CCDC38: variants seen among roughly 807,000 people sequenced by gnomAD.
The protein encoded by CCDC38 is coiled-coil domain-containing protein 38.
In CCDC38, 69 loss-of-function variants were observed where a neutral mutation model predicts 72.8. The observed-to-expected ratio is 0.95, with a 90% confidence interval of 0.78 to 1.16. The LOEUF (loss-of-function observed/expected upper bound fraction) is 1.16, where lower values mean the gene tolerates loss of function less well. Ranked by LOEUF, CCDC38 falls within the 50% of genes most tolerant of loss-of-function variation. The pLI, the probability that CCDC38 is intolerant of heterozygous loss-of-function variation, is 0.00. For synonymous variants in CCDC38, 201 were observed against 213.2 expected, an observed-to-expected ratio of 0.94 and a Z score of 0.50; for missense variants, 626 against 638.9, an observed-to-expected ratio of 0.98 and a Z score of 0.22.
chr12:95,935,215 G>A (rs1322471195), intron 2 of CCDC38: 2 of 152,080 alleles, frequency 1.3e-5, no homozygotes. Flanking sequence ...AAAAAAAATG[G>A]TAGTGGAGCA....
chr12:95,872,546 T>C (rs1202432974), intron 13 of CCDC38, 86 bp from the exon 14 acceptor site: 2 of 818,688 alleles, frequency 2.4e-6, no homozygotes, highest in African/African-American at 3.5e-5. Context: ...TAAAATCCCA[T>C]GTATATGCTA....
intron 10 of CCDC38, among the ~76,000 whole-genome samples, chr12:95,886,399 A>T (rs2079759564): frequency 6.6e-6 from 1 of 152,208 alleles, no homozygotes. Context: ...TTTGAGTCTA[A>T]GGCTAGGGAA....
chr12:95,869,286 CTAAT>C (rs1236612039), intron 15 of CCDC38, among the ~76,000 whole-genome samples, 190 bp downstream of exon 15: 2 of 152,114 alleles, frequency 1.3e-5, no homozygotes, highest in Non-Finnish European at 2.9e-5. Flanking sequence ...AAATGTGTGT[CTAAT>C]TGAGAACTGG....
intron 13 of CCDC38, 62 bp downstream of exon 13, chr12:95,878,149 C>T: frequency 1.3e-6 from 2 of 1,573,094 alleles, no homozygotes. Flanking sequence ...ACTTAGGACA[C>T]AGGGAATAAA....
At chr12:95,898,910 A>T (rs1229707477) in intron 5 of CCDC38, among the ~76,000 whole-genome samples, 179 bp from the exon 6 acceptor site, 2 of 152,208 alleles carry the variant, frequency 1.3e-5, no homozygotes, top group East Asian at 3.8e-4. Flanking sequence ...GGGGAGACTA[A>T]TTTCCCTCCC....
Position 95,879,759 on chromosome 12 carries a change from G to A in CCDC38, c.1027C>T (p.Leu343Phe). 6.2e-7 allele frequency: 1 copy of A among 1,611,948 alleles called. No homozygotes were observed. The highest frequency in any genetic ancestry group is 8.5e-7 in the Non-Finnish European group (1 of 1,178,546). Reference sequence around the variant, plus strand: ...TCTTCCAGCTCTCTGAGGACTTGAAGTAACTCCTCTGGTTCCTTGAAATAA... The same window carrying A: ...TCTTCCAGCTCTCTGAGGACTTGAAATAACTCCTCTGGTTCCTTGAAATAA... Reference protein sequence around the residue: ...ALYFKEPEELLQVLRELEEQN... With the variant: ...ALYFKEPEELFQVLRELEEQN... The change falls in exon 12 of 16, where the codon CTT becomes TTT. Residue 343 changes from leucine (L) to phenylalanine (F), a missense_variant. By Grantham distance (22) the Leu-to-Phe change is conservative. Transcript: ENST00000344280. The surrounding 1 kb of genome is among the most constrained non-coding windows in gnomAD (Gnocchi z 5.5).
chr12:95,890,263 A>G (rs917617663), intron 9 of CCDC38, among the ~76,000 whole-genome samples: 5 of 152,204 alleles, frequency 3.3e-5, no homozygotes, highest in Non-Finnish European at 7.3e-5. Flanking sequence ...ACACCAAAAC[A>G]CTGGGGCCAG....
At chr12:95,911,020 C>A (rs1592787490) in intron 4 of CCDC38, among the ~76,000 whole-genome samples, 1 of 152,304 alleles carries the variant, frequency 6.6e-6, no homozygotes, top group African/African-American at 2.4e-5. Flanking sequence ...ACAAAAACAG[C>A]ATGGTACTGG....
chr12:95,916,550 A>T (rs140860428), intron 4 of CCDC38, among the ~76,000 whole-genome samples: 426 of 151,912 alleles, frequency 2.8e-3, no homozygotes, highest in African/African-American at 0.01. Flanking sequence ...TTTCTATCTC[A>T]TCTATAGGCA....
At position 95,920,633 on chromosome 12, in the gene CCDC38, A is replaced by G. The variant is rs377193658; in HGVS notation, c.38-1657T>C. On this transcript the variant is annotated intron_variant, in intron 2 of 15. Transcript: ENST00000344280. ...ACACATTATATGATTCCATTTATAT[A>G]AAATATCCAGAATAGGCATATTCAT... 1.1e-4 allele frequency among the ~76,000 whole-genome samples: 16 copies of G among 152,316 alleles called. No individual in the cohort carries two copies. The South Asian group carries it at 3.3e-3, about 32-fold the overall frequency.
chr12:95,934,929 C>G (rs2080376977), intron 2 of CCDC38: 1 of 152,110 alleles, frequency 6.6e-6, no homozygotes, highest in Non-Finnish European at 1.5e-5. Flanking sequence ...TTGCTTGAAC[C>G]CCCAGGAGGC....
At chr12:95,933,207 G>C (rs993167291) in intron 2 of CCDC38, 1 of 152,066 alleles carries the variant, frequency 6.6e-6, no homozygotes, top group Non-Finnish European at 1.5e-5. Context: ...GCTATATTAA[G>C]ATTAAAGACT....
chr12:95,907,693 T>G (rs1592783568), intron 4 of CCDC38, among the ~76,000 whole-genome samples: 1 of 139,912 alleles, frequency 7.1e-6, no homozygotes. Context: ...ACGGGGCGGC[T>G]GCTGGGCGGA....
At chr12:95,874,766 C>A (rs80065696) in intron 13 of CCDC38, among the ~76,000 whole-genome samples, 4 of 152,082 alleles carry the variant, frequency 2.6e-5, no homozygotes, top group Admixed American at 2.0e-4. Context: ...CAACAGTGAA[C>A]GGGAAGTGAT....
intron 13 of CCDC38, among the ~76,000 whole-genome samples, chr12:95,875,543 T>C (rs1336491629): frequency 1.3e-5 from 2 of 152,072 alleles, no homozygotes; most frequent in African/African-American, 2.4e-5. Flanking sequence ...TCAATAACGC[T>C]GGAAAAGAAT....
chr12:95,922,319 A>G (rs991840900), intron 2 of CCDC38, among the ~76,000 whole-genome samples: 1 of 152,222 alleles, frequency 6.6e-6, no homozygotes, highest in Non-Finnish European at 1.5e-5. Flanking sequence ...TATGAGACTG[A>G]AAGCAGTTTA....
chr12:95,907,919 G>A (rs2080029738), intron 4 of CCDC38, among the ~76,000 whole-genome samples: 1 of 151,324 alleles, frequency 6.6e-6, no homozygotes. Flanking sequence ...TTCCTAGATG[G>A]GATGGCGGCT....
intron 4 of CCDC38, among the ~76,000 whole-genome samples, chr12:95,912,839 C>T (rs1172896133): frequency 6.6e-6 from 1 of 152,036 alleles, no homozygotes; most frequent in Non-Finnish European, 1.5e-5. Context: ...GTAGGTGGAT[C>T]GCTTCAGCTC....
At chr12:95,899,321 A>G (rs1282291529) in intron 5 of CCDC38, among the ~76,000 whole-genome samples, 2 of 152,174 alleles carry the variant, frequency 1.3e-5, no homozygotes, top group African/African-American at 4.8e-5. Context: ...TTTTTGAGAC[A>G]AGGTCTTGCT....
Sources: gnomAD v4.1 joint callset for allele counts (sites outside exome capture counted in the v4.1 genomes callset) on GRCh38, gnomAD v4.1.1 for gene constraint, Gnocchi (gnomAD v3.1) non-coding constraint, MANE v1.5 for transcripts, NCBI Gene and HGNC (gene_info 2026-07-23, HGNC 2026-07-21) for gene names.